The following GALNT13 variants were observed in gnomAD, a reference collection of about 807,000 sequenced individuals.
GALNT13 encodes polypeptide N-acetylgalactosaminyltransferase 13.
In GALNT13, 28 loss-of-function variants were observed where a neutral mutation model predicts 64.2. The ratio of observed to expected loss-of-function variants is 0.44; its 90% CI spans 0.32 to 0.60. The LOEUF is 0.60. GALNT13 is among the 20% of genes least tolerant of loss of function. GALNT13 has a pLI of 0.05. For synonymous variants in GALNT13, 214 were observed against 224.6 expected, an observed-to-expected ratio of 0.95 and a Z score of 0.42; for missense variants, 577 against 669.8, an observed-to-expected ratio of 0.86 and a Z score of 1.53.
chr2:153,534,761 C>T, the GALNT13 span, among the ~76,000 whole-genome samples: 6 of 151,994 alleles, frequency 3.9e-5, no homozygotes, highest in Admixed American at 3.9e-4. Context: ...AGGACTTTCA[C>T]AAGGTAATGT....
At chr2:153,185,482 G>C in the GALNT13 span, among the ~76,000 whole-genome samples, 1 of 151,956 alleles carries the variant, frequency 6.6e-6, no homozygotes, top group Admixed American at 6.6e-5. Flanking sequence ...TTTTAGTTAT[G>C]TCTTGTCCTC....
chr2:153,265,221 C>G, the GALNT13 span, among the ~76,000 whole-genome samples: 55 of 152,284 alleles, frequency 3.6e-4, no homozygotes, highest in African/African-American at 1.3e-3. Flanking sequence ...TCCATGGGCT[C>G]TGAGCCCAGC....
chr2:153,672,371 T>C, the GALNT13 span, among the ~76,000 whole-genome samples: 5 of 152,166 alleles, frequency 3.3e-5, no homozygotes, highest in Non-Finnish European at 7.3e-5. Flanking sequence ...CACAGTGCAA[T>C]CAAATTAGAA....
rs1687967122 is a variant in GALNT13 at position 153,897,575 on chromosome 2, A to G, written c.-176-3361A>G. Among the ~76,000 whole-genome samples the G allele has an allele frequency of 9.2e-5, 14 of 152,198 alleles. No individual in the cohort carries two copies. The South Asian group carries it at 2.7e-3, about 29-fold the overall frequency. The stretch of plus-strand genomic sequence containing the variant: ...TTTTCCCCATTGTAATTAATAAGTA[A>G]TTTGTGGGAAGATACTTTTAGACTG... On this transcript the variant is annotated intron_variant, in intron 1 of 12. Transcript: ENST00000392825.
intron 4 of GALNT13, among the ~76,000 whole-genome samples, chr2:154,219,928 A>T (rs954835428): frequency 6.6e-6 from 1 of 152,120 alleles, no homozygotes; most frequent in African/African-American, 2.4e-5. Flanking sequence ...GCAGGGAGCA[A>T]CCTAATTTCC....
the GALNT13 span, among the ~76,000 whole-genome samples, chr2:153,600,695 G>T: frequency 6.6e-6 from 1 of 151,956 alleles, no homozygotes; most frequent in Non-Finnish European, 1.5e-5. Context: ...TTTAAATCCT[G>T]ATGCCTTAAG....
At chr2:153,443,942 A>G in the GALNT13 span, among the ~76,000 whole-genome samples, 1 of 152,104 alleles carries the variant, frequency 6.6e-6, no homozygotes, top group Non-Finnish European at 1.5e-5. Context: ...TCAGTTTCTC[A>G]TAAGGGCCTT....
the GALNT13 span, among the ~76,000 whole-genome samples, chr2:153,505,319 A>G: frequency 6.6e-6 from 1 of 151,920 alleles, no homozygotes; most frequent in African/African-American, 2.4e-5. Flanking sequence ...TTTTCAAACA[A>G]CCAGCTTTTT....
chr2:153,262,663 A>G, the GALNT13 span, among the ~76,000 whole-genome samples: 2 of 152,202 alleles, frequency 1.3e-5, no homozygotes, highest in African/African-American at 2.4e-5. Flanking sequence ...AAATTAATAA[A>G]CATAATTTAT....
At chr2:153,257,469 G>A in the GALNT13 span, among the ~76,000 whole-genome samples, 1 of 152,012 alleles carries the variant, frequency 6.6e-6, no homozygotes, top group Non-Finnish European at 1.5e-5. Flanking sequence ...AGCCATCTTG[G>A]CTCCTCTCTA....
chr2:154,047,635 G>C (rs1043881829), intron 3 of GALNT13, among the ~76,000 whole-genome samples: 1 of 152,110 alleles, frequency 6.6e-6, no homozygotes, highest in Non-Finnish European at 1.5e-5. Flanking sequence ...CTGGTTCATC[G>C]TAAATGCTCC....
At chr2:153,606,195 TTGTA>T in the GALNT13 span, among the ~76,000 whole-genome samples, 5 of 152,100 alleles carry the variant, frequency 3.3e-5, no homozygotes, top group African/African-American at 4.8e-5. Flanking sequence ...ATATATCTAT[TTGTA>T]TGTATGTATG....
At chr2:154,082,684 A>G (rs866678352) in intron 3 of GALNT13, among the ~76,000 whole-genome samples, 7 of 151,586 alleles carry the variant, frequency 4.6e-5, no homozygotes, top group African/African-American at 1.7e-4. Flanking sequence ...TCTTCCTTCC[A>G]TTTTCCATGG....
chr2:153,561,664 T>TGTGTGTGTGTGTGTG, the GALNT13 span, among the ~76,000 whole-genome samples: 2 of 151,530 alleles, frequency 1.3e-5, no homozygotes, highest in African/African-American at 4.9e-5. Context: ...TGTGTGTGTG[T>TGTGTGTGTGTGTGTG]GTGTGGTGTG....
the GALNT13 span, among the ~76,000 whole-genome samples, chr2:153,387,339 AAC>A: frequency 7.9e-5 from 12 of 152,062 alleles, no homozygotes; most frequent in African/African-American, 2.9e-4. Context: ...CCCACATACA[AAC>A]ACACAGAACT....
chr2:153,216,189 T>C, the GALNT13 span, among the ~76,000 whole-genome samples: 1 of 152,084 alleles, frequency 6.6e-6, no homozygotes, highest in African/African-American at 2.4e-5. Flanking sequence ...TAATATTGTA[T>C]TGTAGCAACA....
chr2:153,843,964 C>A, the GALNT13 span, among the ~76,000 whole-genome samples: 2 of 152,166 alleles, frequency 1.3e-5, no homozygotes, highest in South Asian at 2.1e-4. Context: ...TGCAGGGGCA[C>A]CCTGTAACCT....
chr2:153,338,696 C>T, the GALNT13 span, among the ~76,000 whole-genome samples: 1 of 152,144 alleles, frequency 6.6e-6, no homozygotes, highest in Non-Finnish European at 1.5e-5. Flanking sequence ...ACTACAGTCA[C>T]CACAATGTAC....
the GALNT13 span, among the ~76,000 whole-genome samples, chr2:153,849,436 G>A: frequency 2.0e-5 from 3 of 152,232 alleles, no homozygotes; most frequent in South Asian, 6.2e-4. Context: ...CAGCAATGAC[G>A]CAGCAAAACA....
Sources: allele counts gnomAD v4.1 joint callset (sites outside exome capture counted in the v4.1 genomes callset), GRCh38; gene constraint gnomAD v4.1.1; transcripts MANE v1.5; gene names NCBI Gene and HGNC (gene_info 2026-07-23, HGNC 2026-07-21).